The following RAB15 variants were observed in gnomAD, a reference collection of about 807,000 sequenced individuals.
The protein encoded by RAB15 is RAB15, member RAS oncogene family.
In RAB15, 13 loss-of-function variants were observed where a neutral mutation model predicts 31.8. The observed-to-expected ratio is 0.41, with a 90% CI of 0.27 to 0.65. The LOEUF is 0.65. RAB15 is among the 30% of genes least tolerant of loss of function. RAB15 has a pLI of 0.32. For synonymous variants in RAB15, 100 were observed against 105.6 expected, an observed-to-expected ratio of 0.95 and a Z score of 0.33; for missense variants, 220 against 277.3, an observed-to-expected ratio of 0.79 and a Z score of 1.47.
chr14:64,951,064 C>T lies in RAB15; in HGVS notation c.324+10G>A. The T allele has an allele frequency of 6.2e-7, 1 of 1,612,948 alleles. No homozygotes were observed. Among genetic ancestry groups the T allele is most frequent in the Non-Finnish European group, 8.5e-7 (1 of 1,179,836 alleles). On this transcript the variant is annotated intron_variant, in intron 4 of 6. Coordinates refer to ENST00000533601, the MANE Select transcript of RAB15 (RefSeq NM_001308154.2). This position sits in a 1 kb window ranked among gnomAD's most constrained non-coding sequence, Gnocchi z 7.2. ...TCTCCACACCCCGGCAGTGAGGTGGCATCTCCTACCTCATCCACGTCACTG... is the reference window on the plus strand; with the variant it reads ...TCTCCACACCCCGGCAGTGAGGTGGTATCTCCTACCTCATCCACGTCACTG...
rs887039551 is a variant in RAB15 at position 64,948,168 on chromosome 14, G to C, written c.*186C>G. 6 of 580,120 alleles carry C rather than the reference G, an allele frequency of 1.0e-5. No individual in the cohort carries two copies. The highest frequency in any genetic ancestry group is 1.7e-5 in the Non-Finnish European group (6 of 350,912). 35.9% of individuals were successfully genotyped at this position (580,120 alleles called of 1,614,324 possible). A position where few individuals can be genotyped will look rare whatever the true frequency, so the allele number is the denominator to read the frequency against. On this transcript the variant is annotated 3_prime_UTR_variant, in exon 7 of 7. Transcript: ENST00000533601. The surrounding 1 kb of genome is among the most constrained non-coding windows in gnomAD (Gnocchi z 7.0). Reference sequence around the variant, plus strand: ...AGACCACTCCAGGGTGGACGGGCTGGGGACAGGGGCTGCTTGAGATGACAG... The same window carrying C: ...AGACCACTCCAGGGTGGACGGGCTGCGGACAGGGGCTGCTTGAGATGACAG...
In RAB15 at chr14:64,970,226, C is replaced by T. The variant is rs553276502; in HGVS notation, c.124+1727G>A. Among the ~76,000 whole-genome samples, 1 of 152,330 alleles carries T rather than the reference C, an allele frequency of 6.6e-6. No individual in the cohort carries two copies. The highest frequency in any genetic ancestry group is 6.5e-5 in the Admixed American group (1 of 15,296). On this transcript the variant is annotated intron_variant, in intron 1 of 6. Transcript: ENST00000533601. This position sits in a 1 kb window ranked among gnomAD's most constrained non-coding sequence, Gnocchi z 4.1. Reference sequence around the variant, plus strand: ...AGGCCTCTCCCAAAAATAGCCACTCCTAGTTTCCTTAAGGGATAACCCACC... The same window carrying T: ...AGGCCTCTCCCAAAAATAGCCACTCTTAGTTTCCTTAAGGGATAACCCACC...
intron 1 of RAB15, among the ~76,000 whole-genome samples, chr14:64,956,917 C>T: frequency 6.6e-6 from 1 of 150,422 alleles, no homozygotes; most frequent in South Asian, 2.1e-4. Flanking sequence ...AGGCAAGTCT[C>T]AACTTCTCCT....
rs903668392 is a variant in RAB15 at position 64,958,937 on chromosome 14, C to T, written c.125-6366G>A. Among the ~76,000 whole-genome samples, 25 of 152,210 alleles carry T rather than the reference C, an allele frequency of 1.6e-4. No homozygotes were observed. The highest frequency in any genetic ancestry group is 1.5e-5 in the Non-Finnish European group (1 of 68,040). On this transcript the variant is annotated intron_variant, in intron 1 of 6. Coordinates refer to ENST00000533601, the MANE Select transcript of RAB15 (RefSeq NM_001308154.2). The surrounding 1 kb of genome is among the most constrained non-coding windows in gnomAD (Gnocchi z 4.4). ...CAAACCTCTGCTCAGAGAAGCAGGG[C>T]TGGGTGCAACATGTTCTTTGTGGAG...
chr14:64,949,316 A>C (rs1331569651), intron 5 of RAB15, among the ~76,000 whole-genome samples: 1 of 152,160 alleles, frequency 6.6e-6, no homozygotes, highest in South Asian at 2.1e-4. Context: ...CATGTCTTAT[A>C]TTTTATACCA....
intron 1 of RAB15, among the ~76,000 whole-genome samples, chr14:64,956,322 A>T (rs757839497): frequency 2.2e-4 from 33 of 151,762 alleles, no homozygotes; most frequent in Admixed American, 1.6e-3. Context: ...GTGTGGGGAG[A>T]ATCGCTTTAA....
rs1886394669 is a variant in RAB15, at chr14:64,953,731, C to T, written c.125-1160G>A. 1 of 928,958 alleles carries T rather than the reference C, an allele frequency of 1.1e-6. No individual in the cohort carries two copies. Among genetic ancestry groups the T allele is most frequent in the South Asian group, 5.0e-5 (1 of 20,152 alleles). 57.5% of individuals were successfully genotyped at this position (928,958 alleles called of 1,614,324 possible). On this transcript the variant is annotated intron_variant, in intron 1 of 6. Coordinates refer to ENST00000533601, the MANE Select transcript of RAB15 (RefSeq NM_001308154.2). This position sits in a 1 kb window ranked among gnomAD's most constrained non-coding sequence, Gnocchi z 4.6. Reference sequence around the variant, plus strand: ...ATGCCTCTCCCCAACTCTAACTATACCCAGGCACTATGCCCAGGGATTCAA... The same window carrying T: ...ATGCCTCTCCCCAACTCTAACTATATCCAGGCACTATGCCCAGGGATTCAA...
rs1466668235 is a variant in RAB15 at position 64,946,867 on chromosome 14, CGT to C, written c.*1485_*1486del. 1 of 152,580 alleles carries C rather than the reference CGT, an allele frequency of 6.6e-6. No individual in the cohort carries two copies. Among genetic ancestry groups the C allele is most frequent in the Non-Finnish European group, 1.5e-5 (1 of 68,038 alleles). The allele number at this position is 152,580 out of a possible 1,614,324, so 9.5% of individuals were successfully genotyped here. A position where few individuals can be genotyped will look rare whatever the true frequency, so the allele number is the denominator to read the frequency against. On this transcript the variant is annotated 3_prime_UTR_variant, in exon 7 of 7. Transcript: ENST00000533601. ...AGTAGAACTGGTAAATTACTTGTTC[CGT>C]CTTTAAAGGGCCTCCTACGAGCTAC...
Position 64,948,420 on chromosome 14 carries a change from T to A in RAB15, c.573A>T (p.Ala191=). Residue 191 remains alanine, a synonymous_variant, in exon 7 of 7, where the codon GCA becomes GCT. Transcript: ENST00000533601. The surrounding 1 kb of genome is among the most constrained non-coding windows in gnomAD (Gnocchi z 7.0). The stretch of plus-strand genomic sequence containing the variant: ...GTTTGCCCTCCTCCTCCTCCAGCTC[T>A]GCCAGTGCCAACTCATTGCTGGCAC... ...RMRASNELAL[A]ELEEEEGKPE... The A allele has an allele frequency of 1.9e-6, 3 of 1,613,668 alleles. No homozygotes were observed. Among genetic ancestry groups the A allele is most frequent in the Non-Finnish European group, 2.5e-6 (3 of 1,179,860 alleles).
At position 64,951,973 on chromosome 14, in the gene RAB15, G is replaced by T. The variant is rs1465794191; in HGVS notation, c.186-310C>A. Among the ~76,000 whole-genome samples the T allele has an allele frequency of 6.6e-6, 1 of 152,184 alleles. No homozygotes were observed. Among genetic ancestry groups the T allele is most frequent in the Non-Finnish European group, 1.5e-5 (1 of 68,018 alleles). On this transcript the variant is annotated intron_variant, in intron 2 of 6. Coordinates refer to ENST00000533601, the MANE Select transcript of RAB15 (RefSeq NM_001308154.2). The surrounding 1 kb of genome is among the most constrained non-coding windows in gnomAD (Gnocchi z 7.2). ...GCCAGATTTGGTTGGATGGGAGTTG[G>T]CAGGGGATGCTGCTACACCCCTAGT...
rs1025941144 is a variant in RAB15, at chr14:64,946,503, C to T, written c.*1851G>A. On this transcript the variant is annotated 3_prime_UTR_variant, in exon 7 of 7. Coordinates refer to ENST00000533601, the MANE Select transcript of RAB15 (RefSeq NM_001308154.2). ...CCTAGAGTTAGCTGTCTCCTTTTCT[C>T]ATTAGCCAGTGATTTACAACTTCCT... The T allele has an allele frequency of 6.6e-6, 1 of 152,308 alleles. No homozygotes were observed. The highest frequency in any genetic ancestry group is 1.5e-5 in the Non-Finnish European group (1 of 68,090). 9.4% of individuals were successfully genotyped at this position (152,308 alleles called of 1,614,324 possible). A position where few individuals can be genotyped will look rare whatever the true frequency, so the allele number is the denominator to read the frequency against.
chr14:64,967,902 C>A (rs1271303865), intron 1 of RAB15, among the ~76,000 whole-genome samples: 1 of 151,962 alleles, frequency 6.6e-6, no homozygotes, highest in Non-Finnish European at 1.5e-5. Context: ...TTCCTTCATG[C>A]CCAGATACTA....
chr14:64,965,037 T>C (rs921878949), intron 1 of RAB15, among the ~76,000 whole-genome samples: 1 of 152,198 alleles, frequency 6.6e-6, no homozygotes, highest in Non-Finnish European at 1.5e-5. Context: ...CCTCCAACTC[T>C]TGGGCTCAAG....
rs1885933438 is a variant in RAB15, at chr14:64,946,610, G to C, written c.*1744C>G. The C allele has an allele frequency of 6.6e-6, 1 of 152,234 alleles. No individual in the cohort carries two copies. Among genetic ancestry groups the C allele is most frequent in the Admixed American group, 6.5e-5 (1 of 15,282 alleles). The allele number at this position is 152,234 out of a possible 1,614,324, so 9.4% of individuals were successfully genotyped here. On this transcript the variant is annotated 3_prime_UTR_variant, in exon 7 of 7. Coordinates refer to ENST00000533601, the MANE Select transcript of RAB15 (RefSeq NM_001308154.2). ...CCTCTCCTGCTGTTTTCCTGGTTTG[G>C]TAAGTCAGGAGGAAAGGTTTGATGG...
In RAB15 at chr14:64,954,755, G is replaced by C. The variant is rs1011368510; in HGVS notation, c.125-2184C>G. Among the ~76,000 whole-genome samples, 2 of 152,208 alleles carry C rather than the reference G, an allele frequency of 1.3e-5. No homozygotes were observed. Among genetic ancestry groups the C allele is most frequent in the Admixed American group, 6.5e-5 (1 of 15,284 alleles). On this transcript the variant is annotated intron_variant, in intron 1 of 6. Coordinates refer to ENST00000533601, the MANE Select transcript of RAB15 (RefSeq NM_001308154.2). This position sits in a 1 kb window ranked among gnomAD's most constrained non-coding sequence, Gnocchi z 4.3. Reference sequence around the variant, plus strand: ...TGGAACCCACGCTGCCCCTTGCGCTGGTTCTTAGGGAAGCAAGAGGAGAGT... The same window carrying C: ...TGGAACCCACGCTGCCCCTTGCGCTCGTTCTTAGGGAAGCAAGAGGAGAGT...
chr14:64,966,445 C>A (rs1324771895), intron 1 of RAB15, among the ~76,000 whole-genome samples: 2 of 151,890 alleles, frequency 1.3e-5, no homozygotes, highest in Non-Finnish European at 2.9e-5. Context: ...ATCACTTAAA[C>A]CCGGGAGATG....
chr14:64,972,110 G>C lies in RAB15; in HGVS notation c.-34C>G, dbSNP rs781289831. On this transcript the variant is annotated 5_prime_UTR_variant, in exon 1 of 7. Transcript: ENST00000533601. This position sits in a 1 kb window ranked among gnomAD's most constrained non-coding sequence, Gnocchi z 6.3. ...CCAGCGGGGCCGGGAACTGCGGGCG[G>C]GCAGCGGGCTCAGCCCTGCTCCGCC... 39 of 1,557,308 alleles carry C rather than the reference G, an allele frequency of 2.5e-5. No homozygotes were observed. The highest frequency in any genetic ancestry group is 3.2e-5 in the Non-Finnish European group (37 of 1,155,910).
rs890612433 is a variant in RAB15 at position 64,971,059 on chromosome 14, C to G, written c.124+894G>C. ...ATGCAGAGGCTACTCCAGGGCTGAC[C>G]CGGGTAGCAGCTGAGGATGAAATTC... On this transcript the variant is annotated intron_variant, in intron 1 of 6. Coordinates refer to ENST00000533601, the MANE Select transcript of RAB15 (RefSeq NM_001308154.2). This position sits in a 1 kb window ranked among gnomAD's most constrained non-coding sequence, Gnocchi z 4.1. Among the ~76,000 whole-genome samples, 1 of 152,148 alleles carries G rather than the reference C, an allele frequency of 6.6e-6. No homozygotes were observed. The highest frequency in any genetic ancestry group is 1.5e-5 in the Non-Finnish European group (1 of 68,022).
intron 1 of RAB15, among the ~76,000 whole-genome samples, chr14:64,959,892 CT>C: frequency 7.1e-6 from 1 of 140,720 alleles, no homozygotes; most frequent in South Asian, 2.4e-4. Flanking sequence ...TGAGGGGGAT[CT>C]CCCCCTCACC....
Sources: allele counts gnomAD v4.1 joint callset (sites outside exome capture counted in the v4.1 genomes callset), GRCh38; gene constraint gnomAD v4.1.1; non-coding constraint Gnocchi (gnomAD v3.1); transcripts MANE v1.5; gene names NCBI Gene and HGNC (gene_info 2026-07-23, HGNC 2026-07-21).